The following NBDY variants were observed in gnomAD, a reference collection of about 807,000 sequenced individuals.
The protein encoded by NBDY is P-body dissociating protein.
chrX:56,759,861 C>T (rs965307011), intron 2 of NBDY, among the ~76,000 whole-genome samples: 15 of 111,918 alleles, frequency 1.3e-4, no homozygotes, highest in African/African-American at 3.6e-4. Context: ...AAGCATGAAT[C>T]GCCCCGCCCC....
At chrX:56,788,987 C>T (rs778210472) in intron 2 of NBDY, among the ~76,000 whole-genome samples, 3 of 112,680 alleles carry the variant, frequency 2.7e-5, no homozygotes, top group East Asian at 2.8e-4. Context: ...TGGCAGAAGG[C>T]GAGTGTCCCT....
At chrX:56,809,311 G>A (rs2069872746) in intron 2 of NBDY, among the ~76,000 whole-genome samples, 1 of 111,698 alleles carries the variant, frequency 9.0e-6, no homozygotes, top group Non-Finnish European at 1.9e-5. Flanking sequence ...GGATATCCTT[G>A]TTAATTTTCT....
chrX:56,797,672 G>T (rs980283546), intron 2 of NBDY, among the ~76,000 whole-genome samples: 6 of 110,863 alleles, frequency 5.4e-5, no homozygotes, highest in African/African-American at 9.9e-5. Context: ...TTGTTACATT[G>T]TTCCCCTATT....
chrX:56,763,040 C>G (rs1027329253), intron 2 of NBDY, among the ~76,000 whole-genome samples: 6 of 112,509 alleles, frequency 5.3e-5, no homozygotes, highest in Admixed American at 2.8e-4. Flanking sequence ...GCAAAGGGAA[C>G]AGGAGACAGG....
intron 2 of NBDY, among the ~76,000 whole-genome samples, chrX:56,792,345 C>A (rs901874833): frequency 1.8e-5 from 2 of 111,422 alleles, no homozygotes; most frequent in African/African-American, 6.5e-5. Context: ...GGCAACTTGT[C>A]CTCTGTCTCT....
At position 56,752,979 on chromosome X, in the gene NBDY, G is replaced by T. The variant is rs778427213; in HGVS notation, c.*166+20780G>T. Among the ~76,000 whole-genome samples, 10 of 112,497 alleles carry T rather than the reference G, an allele frequency of 8.9e-5. 1 individual carries two copies. Among genetic ancestry groups the T allele is most frequent in the Admixed American group, 8.5e-4 (9 of 10,648 alleles). On this transcript the variant is annotated intron_variant, in intron 2 of 2. Coordinates refer to ENST00000374922, the MANE Select transcript of NBDY (RefSeq NM_001348129.2). ...GGATGGGTGTCCTCACAGTGAAATAGAATGTTTATCTAATGTGTTATCTAC... is the reference window on the plus strand; with the variant it reads ...GGATGGGTGTCCTCACAGTGAAATATAATGTTTATCTAATGTGTTATCTAC...
intron 2 of NBDY, among the ~76,000 whole-genome samples, chrX:56,798,439 C>T (rs1014707678): frequency 1.8e-5 from 2 of 111,341 alleles, no homozygotes; most frequent in East Asian, 2.8e-4. Flanking sequence ...CAGACTTGCA[C>T]GAGTTGCTGA....
intron 2 of NBDY, among the ~76,000 whole-genome samples, chrX:56,791,274 C>T (rs965902966): frequency 6.2e-5 from 7 of 112,269 alleles, no homozygotes; most frequent in Admixed American, 1.9e-4. Context: ...GCTTACTTTT[C>T]CTAAGGAAAT....
At chrX:56,780,970 C>T (rs982362926) in intron 2 of NBDY, among the ~76,000 whole-genome samples, 3 of 109,232 alleles carry the variant, frequency 2.7e-5, no homozygotes, top group Non-Finnish European at 5.7e-5. Flanking sequence ...CCCATCACAT[C>T]TCAACTGTTT....
intron 2 of NBDY, chrX:56,811,304 A>C (rs961027684): frequency 8.9e-6 from 1 of 112,025 alleles, no homozygotes; most frequent in South Asian, 3.7e-4. Context: ...CTGCTGCTCT[A>C]TTCAGAGGTA....
At position 56,818,105 on chromosome X, in the gene NBDY, T is replaced by C. The variant is rs2069919052; in HGVS notation, c.*952T>C. On this transcript the variant is annotated 3_prime_UTR_variant, in exon 3 of 3. Coordinates refer to ENST00000374922, the MANE Select transcript of NBDY (RefSeq NM_001348129.2). ...GTTATAGAAAAAAATTTATAGACTA[T>C]AATAATTTCCAGGGATATAAAAAAA... The C allele has an allele frequency of 9.0e-6, 1 of 111,677 alleles. No homozygotes were observed. Among genetic ancestry groups the C allele is most frequent in the Non-Finnish European group, 1.9e-5 (1 of 53,077 alleles). The allele number at this position is 111,677 out of a possible 1,213,427, so 9.2% of individuals were successfully genotyped here.
chrX:56,785,735 G>T (rs1423234753), intron 2 of NBDY, among the ~76,000 whole-genome samples: 2 of 111,540 alleles, frequency 1.8e-5, no homozygotes, highest in African/African-American at 6.6e-5. Context: ...TTTTCTGTGA[G>T]GACACAAGAA....
chrX:56,781,163 C>T (rs922684528), intron 2 of NBDY, among the ~76,000 whole-genome samples: 5 of 111,501 alleles, frequency 4.5e-5, no homozygotes, highest in African/African-American at 1.6e-4. Context: ...TATATCCTGT[C>T]TTCATCTGTG....
intron 2 of NBDY, among the ~76,000 whole-genome samples, chrX:56,744,697 C>A (rs2069548083): frequency 9.0e-6 from 1 of 110,850 alleles, no homozygotes; most frequent in African/African-American, 3.3e-5. Flanking sequence ...TATTGTAGTG[C>A]CATTCTTTTC....
chrX:56,810,379 G>A (rs1048195892), intron 2 of NBDY, among the ~76,000 whole-genome samples: 14 of 110,947 alleles, frequency 1.3e-4, no homozygotes, highest in Admixed American at 9.6e-4. Context: ...TCACTTTCAC[G>A]TACACCAATC....
chrX:56,738,893 C>A (rs2069511853), intron 2 of NBDY, among the ~76,000 whole-genome samples: 1 of 110,421 alleles, frequency 9.1e-6, no homozygotes, highest in African/African-American at 3.3e-5. Flanking sequence ...AGGGTATGAT[C>A]TAATACCAAT....
chrX:56,804,536 A>G (rs1225603870), intron 2 of NBDY, among the ~76,000 whole-genome samples: 1 of 112,281 alleles, frequency 8.9e-6, no homozygotes, highest in Non-Finnish European at 1.9e-5. Flanking sequence ...TCTGCCAAAT[A>G]CATGGGTAGC....
At chrX:56,757,630 C>T (rs2069618237) in intron 2 of NBDY, among the ~76,000 whole-genome samples, 1 of 111,145 alleles carries the variant, frequency 9.0e-6, no homozygotes, top group Non-Finnish European at 1.9e-5. Context: ...TCTCTGCTTC[C>T]ATCATTCCTT....
intron 2 of NBDY, among the ~76,000 whole-genome samples, chrX:56,749,773 C>T (rs746029717): frequency 1.7e-4 from 19 of 109,781 alleles, no homozygotes; most frequent in African/African-American, 6.3e-4. Flanking sequence ...TGCCTCAACC[C>T]CCCAAGTAGC....
Sources: gnomAD v4.1 joint callset for allele counts (sites outside exome capture counted in the v4.1 genomes callset) on GRCh38, gnomAD v4.1.1 for gene constraint, MANE v1.5 for transcripts, NCBI Gene and HGNC (gene_info 2026-07-23, HGNC 2026-07-21) for gene names.